ZNF407: variants seen among roughly 807,000 people sequenced by gnomAD.
ZNF407 encodes the protein zinc finger protein 407.
Under a neutral mutation model 131.2 loss-of-function variants are expected in ZNF407, and 17 were observed. The observed-to-expected ratio is 0.13, with a 90% CI of 0.09 to 0.19. ZNF407 has a LOEUF of 0.19. Ranked by LOEUF, ZNF407 falls within the 10% of genes least tolerant of loss-of-function variation. The probability of loss-of-function intolerance (pLI) is 1.00; values close to 1 mark genes in which losing one functional copy is unlikely to be tolerated. For missense variants in ZNF407, 2,681 were observed against 2,830.6 expected (o/e 0.95, Z 1.20); for synonymous variants, 1,156 against 1,062.0 (o/e 1.09, Z -1.72).
chr18:74,906,980 C>T (rs1166946822), intron 7 of ZNF407, among the ~76,000 whole-genome samples: 1 of 152,076 alleles, frequency 6.6e-6, no homozygotes, highest in Non-Finnish European at 1.5e-5. Context: ...TGCACACATA[C>T]TTTATGTGTA....
At chr18:74,855,066 A>T (rs189492919) in intron 4 of ZNF407, among the ~76,000 whole-genome samples, 506 of 152,286 alleles carry the variant, frequency 3.3e-3, no homozygotes, top group Middle Eastern at 6.8e-3. Context: ...TTGGAAACTT[A>T]TTCTGTTAGT....
intron 3 of ZNF407, among the ~76,000 whole-genome samples, chr18:74,697,158 A>AT (rs762636243): frequency 3.4e-4 from 52 of 152,138 alleles, no homozygotes; most frequent in Non-Finnish European, 3.8e-4. Context: ...CTCCAAACTC[A>AT]TAACTTGACA....
intron 4 of ZNF407, among the ~76,000 whole-genome samples, chr18:74,824,717 G>A (rs1338737303): frequency 6.6e-6 from 1 of 152,108 alleles, no homozygotes; most frequent in African/African-American, 2.4e-5. Context: ...TGAGACAGTA[G>A]TCAATAGCCT....
intron 8 of ZNF407, among the ~76,000 whole-genome samples, chr18:75,016,510 A>ACTGCG (rs1973046032): frequency 1.7e-4 from 2 of 11,976 alleles, no homozygotes; most frequent in African/African-American, 2.6e-4. Context: ...GCCATATTGA[A>ACTGCG]CTGCACTGCA....
chr18:74,857,591 GTAAT>G (rs1970876826), intron 4 of ZNF407, among the ~76,000 whole-genome samples: 1 of 152,010 alleles, frequency 6.6e-6, no homozygotes, highest in Non-Finnish European at 1.5e-5. Flanking sequence ...ATCATTGTCA[GTAAT>G]TATTTAAGAA....
At chr18:74,947,351 A>G (rs1054974471) in intron 8 of ZNF407, among the ~76,000 whole-genome samples, 16 of 152,128 alleles carry the variant, frequency 1.1e-4, no homozygotes, top group African/African-American at 3.9e-4. Flanking sequence ...CAAGTTCATG[A>G]TGTTTTCCAT....
Position 75,063,244 on chromosome 18 carries a change from A to G in ZNF407, c.5523A>G (p.Glu1841=). The G allele has an allele frequency of 1.2e-6, 2 of 1,613,594 alleles. No homozygotes were observed. Among genetic ancestry groups the G allele is most frequent in the Non-Finnish European group, 1.7e-6 (2 of 1,179,866 alleles). ...DSPFTAAALA[E]EPLVKEKPLR... Reference sequence around the variant, plus strand: ...CCTTCACCGCGGCGGCCTTGGCAGAAGAGCCCCTCGTCAAGGAGAAGCCCC... The same window carrying G: ...CCTTCACCGCGGCGGCCTTGGCAGAGGAGCCCCTCGTCAAGGAGAAGCCCC... Residue 1841 remains glutamate (E), a synonymous_variant, in exon 9 of 9, where the codon GAA becomes GAG. Coordinates refer to ENST00000299687, the MANE Select transcript of ZNF407 (RefSeq NM_017757.3). This position sits in a 1 kb window ranked among gnomAD's most constrained non-coding sequence, Gnocchi z 6.6.
intron 8 of ZNF407, among the ~76,000 whole-genome samples, chr18:75,016,618 T>C (rs1052817381): frequency 1.3e-5 from 2 of 152,120 alleles, no homozygotes; most frequent in African/African-American, 4.8e-5. Context: ...CCACCTAAGA[T>C]ACGGAATTTA....
intron 7 of ZNF407, among the ~76,000 whole-genome samples, chr18:74,907,440 T>C (rs1971610827): frequency 6.6e-6 from 1 of 152,176 alleles, no homozygotes; most frequent in Non-Finnish European, 1.5e-5. Flanking sequence ...TCTGAGGGTG[T>C]GTTGGCAGGT....
intron 3 of ZNF407, among the ~76,000 whole-genome samples, chr18:74,647,043 T>G (rs573376442): frequency 6.6e-6 from 1 of 152,212 alleles, no homozygotes; most frequent in Non-Finnish European, 1.5e-5. Flanking sequence ...AACATTGGCT[T>G]CTGTGTCTAA....
chr18:74,639,834 T>A (rs922994465), intron 2 of ZNF407, among the ~76,000 whole-genome samples: 3 of 152,138 alleles, frequency 2.0e-5, no homozygotes, highest in African/African-American at 7.2e-5. Flanking sequence ...GACTCTAAAA[T>A]TTTTTACTGA....
At chr18:75,007,418 G>C (rs1448283635) in intron 8 of ZNF407, among the ~76,000 whole-genome samples, 1 of 152,090 alleles carries the variant, frequency 6.6e-6, no homozygotes. Flanking sequence ...ACAACACAGG[G>C]CACCGCAGCG....
In ZNF407 at chr18:74,649,114, A is replaced by G. The variant is rs1315671353; in HGVS notation, c.4802+7992A>G. 2.6e-5 allele frequency among the ~76,000 whole-genome samples: 4 copies of G among 152,222 alleles called. No individual in the cohort carries two copies. The East Asian group carries it at 7.7e-4, about 29-fold the overall frequency. The stretch of plus-strand genomic sequence containing the variant: ...CACTGTAGAATATGCTACTATCTAG[A>G]TATACAAATTTTTAGAAAGTTATTT... On this transcript the variant is annotated intron_variant, in intron 3 of 8. Transcript: ENST00000299687.
chr18:74,776,900 G>C (rs1969484368), intron 3 of ZNF407, among the ~76,000 whole-genome samples: 1 of 152,198 alleles, frequency 6.6e-6, no homozygotes, highest in South Asian at 2.1e-4. Flanking sequence ...TTAAGTGGCA[G>C]TGGCTCATCA....
chr18:74,903,380 G>A (rs992506135), intron 7 of ZNF407, among the ~76,000 whole-genome samples: 3 of 152,018 alleles, frequency 2.0e-5, no homozygotes, highest in East Asian at 1.9e-4. Context: ...TCTAGACAAC[G>A]TATTTCAAGC....
At chr18:74,957,175 T>C (rs1342133594) in intron 8 of ZNF407, among the ~76,000 whole-genome samples, 1 of 151,384 alleles carries the variant, frequency 6.6e-6, no homozygotes. Context: ...GGATGCCTCC[T>C]ACCCTGAGTG....
intron 4 of ZNF407, among the ~76,000 whole-genome samples, chr18:74,850,416 A>C (rs1174494402): frequency 1.3e-5 from 2 of 152,116 alleles, no homozygotes; most frequent in South Asian, 2.1e-4. Flanking sequence ...ATCTTAATTC[A>C]TACTTCTCTG....
At chr18:75,024,100 A>G (rs1339354955) in intron 8 of ZNF407, among the ~76,000 whole-genome samples, 3 of 152,132 alleles carry the variant, frequency 2.0e-5, no homozygotes, top group African/African-American at 7.2e-5. Flanking sequence ...TGAAACTAAG[A>G]TTTTGTTTGT....
chr18:74,962,915 A>C, intron 8 of ZNF407, among the ~76,000 whole-genome samples: 1 of 152,242 alleles, frequency 6.6e-6, no homozygotes, highest in East Asian at 1.9e-4. Context: ...GGCAGTGTCT[A>C]TGTTCCTGGC....
Sources: allele counts gnomAD v4.1 joint callset (sites outside exome capture counted in the v4.1 genomes callset), GRCh38; gene constraint gnomAD v4.1.1; non-coding constraint Gnocchi (gnomAD v3.1); transcripts MANE v1.5; gene names NCBI Gene and HGNC (gene_info 2026-07-23, HGNC 2026-07-21).